Variants in ANO1 observed in about 807,000 individuals in gnomAD.
ANO1 encodes the protein anoctamin 1, also known as anoctamin-1.
Under a neutral mutation model 124.0 loss-of-function variants are expected in ANO1, and 59 were observed. The ratio of observed to expected loss-of-function variants is 0.48; its 90% confidence interval spans 0.39 to 0.59. ANO1 has a LOEUF of 0.59. ANO1 is among the 20% of genes least tolerant of loss of function. ANO1 has a pLI of 0.00. For missense variants in ANO1, 1,059 were observed against 1,328.0 expected (o/e 0.80, Z 3.15); for synonymous variants, 529 against 532.0 (o/e 0.99, Z 0.08).
intron 1 of ANO1, among the ~76,000 whole-genome samples, chr11:70,080,651 A>C (rs901055752): frequency 5.9e-5 from 9 of 152,342 alleles, no homozygotes; most frequent in African/African-American, 2.2e-4. Context: ...TGCCTCCTGC[A>C]AACCCAGGTG....
At chr11:70,151,189 C>G (rs1467928749) in intron 12 of ANO1, among the ~76,000 whole-genome samples, 1 of 152,254 alleles carries the variant, frequency 6.6e-6, no homozygotes, top group Non-Finnish European at 1.5e-5. Flanking sequence ...GCACTTAGAA[C>G]CTGACCTAGC....
intron 2 of ANO1, among the ~76,000 whole-genome samples, chr11:70,094,058 A>C (rs1042226456): frequency 2.0e-5 from 3 of 152,194 alleles, no homozygotes; most frequent in African/African-American, 7.2e-5. Flanking sequence ...CAAGAGAGTT[A>C]ATCCTCGAGC....
chr11:69,977,966 G>A, the ANO1 span, among the ~76,000 whole-genome samples: 5 of 152,240 alleles, frequency 3.3e-5, no homozygotes, highest in Non-Finnish European at 7.3e-5. Flanking sequence ...CTGAGAGGGG[G>A]TCAAGGAAAG....
chr11:70,078,449 G>T lies in ANO1; in HGVS notation c.-158G>T. 1 of 173,122 alleles carries T rather than the reference G, an allele frequency of 5.8e-6. No individual in the cohort carries two copies. The highest frequency in any genetic ancestry group is 1.8e-4 in the South Asian group (1 of 5,428). The allele number at this position is 173,122 out of a possible 1,614,324, so 10.7% of individuals were successfully genotyped here. On this transcript the variant is annotated 5_prime_UTR_variant, in exon 1 of 26. Coordinates refer to ENST00000355303, the MANE Select transcript of ANO1 (RefSeq NM_018043.7). ...GCCGGGCGGGCCAGGGCGGCGGGCG[G>T]AGCGGGAGGCGGCCACGTCCCCGGC... is the stretch of plus-strand genomic sequence containing the variant.
chr11:70,139,426 C>T (rs555424891), intron 11 of ANO1, among the ~76,000 whole-genome samples: 11 of 151,594 alleles, frequency 7.3e-5, no homozygotes, highest in East Asian at 1.9e-4. Flanking sequence ...CATGTTCAAG[C>T]GATTCTCCTG....
chr11:70,149,256 C>T (rs1490579759), intron 11 of ANO1, among the ~76,000 whole-genome samples: 5 of 152,202 alleles, frequency 3.3e-5, no homozygotes, highest in Admixed American at 6.5e-5. Context: ...GGGAGAATGA[C>T]GGCTCTTGCC....
intron 23 of ANO1, among the ~76,000 whole-genome samples, 178 bp downstream of exon 23, chr11:70,180,234 A>G (rs1199940649): frequency 6.6e-6 from 1 of 150,434 alleles, no homozygotes; most frequent in Non-Finnish European, 1.5e-5. Context: ...GGGAGGGTGC[A>G]CTCTGGGGAG....
At chr11:70,134,535 G>C (rs547306189) in intron 11 of ANO1, among the ~76,000 whole-genome samples, 1 of 152,328 alleles carries the variant, frequency 6.6e-6, no homozygotes, top group South Asian at 2.1e-4. Context: ...TTAGCACATA[G>C]CTTACTCTAA....
chr11:69,999,047 A>C (rs1245772629), intron 1 of ANO1, among the ~76,000 whole-genome samples: 1 of 149,920 alleles, frequency 6.7e-6, no homozygotes, highest in Non-Finnish European at 1.5e-5. Flanking sequence ...AAAAAAAAAA[A>C]GAGATTTTTT....
intron 1 of ANO1, among the ~76,000 whole-genome samples, chr11:70,024,900 C>T (rs1460195675): frequency 6.6e-6 from 1 of 152,196 alleles, no homozygotes; most frequent in Non-Finnish European, 1.5e-5. Flanking sequence ...AGGGACCACA[C>T]AGGCACACTC....
chr11:70,020,558 G>A (rs1047380602), intron 1 of ANO1, among the ~76,000 whole-genome samples: 4 of 152,182 alleles, frequency 2.6e-5, no homozygotes, highest in South Asian at 4.1e-4. Context: ...CAGTGGGTCC[G>A]GCCAAGGGTC....
chr11:70,180,822 T>C (rs1323072001), intron 23 of ANO1, among the ~76,000 whole-genome samples: 1 of 152,222 alleles, frequency 6.6e-6, no homozygotes, highest in Non-Finnish European at 1.5e-5. Flanking sequence ...ATGGCTGCTC[T>C]GTAGAGAAGG....
At chr11:69,994,467 TAGAC>T (rs138672143) in intron 1 of ANO1, among the ~76,000 whole-genome samples, 283 of 152,008 alleles carry the variant, frequency 1.9e-3, no homozygotes, top group African/African-American at 6.5e-3. Context: ...GGAATGGAGA[TAGAC>T]AGATAAAAGG....
At chr11:70,169,090 C>G (rs183710940) in intron 21 of ANO1, among the ~76,000 whole-genome samples, 46 of 152,280 alleles carry the variant, frequency 3.0e-4, no homozygotes, top group African/African-American at 1.1e-3. Context: ...CCTGCAGGGT[C>G]GCTCCTTCCA....
intron 20 of ANO1, 105 bp downstream of exon 20, chr11:70,165,675 T>G: frequency 1.2e-6 from 1 of 860,316 alleles, no homozygotes; most frequent in Non-Finnish European, 1.8e-6. Flanking sequence ...TCAACCAAGA[T>G]GGGGGCACTA....
At chr11:70,121,044 G>T (rs933616523) in intron 8 of ANO1, among the ~76,000 whole-genome samples, 1 of 152,176 alleles carries the variant, frequency 6.6e-6, no homozygotes, top group Admixed American at 6.5e-5. Flanking sequence ...AGGTCAAGCG[G>T]TATATGTAGA....
At position 70,103,101 on chromosome 11, in the gene ANO1, T is replaced by C. The variant is rs1239131501; in HGVS notation, c.477T>C (p.His159=). 3.1e-6 allele frequency: 5 copies of C among 1,612,922 alleles called. No individual in the cohort carries two copies. Among genetic ancestry groups the C allele is most frequent in the Admixed American group, 1.7e-5 (1 of 59,872 alleles). The part of the protein sequence containing the change: ...KIHGVGFVKI[H]APWNVLCREA... ...ACGGAGTCGGGTTTGTGAAAATCCA[T>C]GCCCCCTGGAACGTGCTGTGCAGAG... Residue 159 remains histidine (H), a synonymous_variant, in exon 3 of 26, where the codon CAT becomes CAC. Coordinates refer to ENST00000355303, the MANE Select transcript of ANO1 (RefSeq NM_018043.7).
chr11:69,996,017 A>G (rs1856264859), intron 1 of ANO1, among the ~76,000 whole-genome samples: 1 of 152,234 alleles, frequency 6.6e-6, no homozygotes, highest in African/African-American at 2.4e-5. Context: ...ATGCTGAGAC[A>G]GGAGAATCGC....
rs373330759 is a variant in ANO1, at chr11:70,103,990, T to C, written c.541-9T>C. The C allele has an allele frequency of 1.2e-4, 191 of 1,610,666 alleles. No individual in the cohort carries two copies. The highest frequency in any genetic ancestry group is 1.4e-4 in the Non-Finnish European group (168 of 1,178,650). ...GACGCAGCTCCCCGGTCCCTTGTCTTATCTGCAGATGTACCACATTAATGA... is the reference window on the plus strand; with the variant it reads ...GACGCAGCTCCCCGGTCCCTTGTCTCATCTGCAGATGTACCACATTAATGA... On this transcript the variant is annotated splice_polypyrimidine_tract_variant and intron_variant, in intron 3 of 25. Coordinates refer to ENST00000355303, the MANE Select transcript of ANO1 (RefSeq NM_018043.7).
Sources: allele counts gnomAD v4.1 joint callset (sites outside exome capture counted in the v4.1 genomes callset), GRCh38; gene constraint gnomAD v4.1.1; transcripts MANE v1.5; gene names NCBI Gene and HGNC (gene_info 2026-07-23, HGNC 2026-07-21).